Variants in ADRA1D observed in about 807,000 individuals in gnomAD.
ADRA1D encodes adrenoceptor alpha 1D, also known as alpha-1D adrenergic receptor.
Under a neutral mutation model 18.6 loss-of-function variants are expected in ADRA1D, and 22 were observed. The observed-to-expected ratio is 1.19, with a 90% confidence interval of 0.85 to 1.69. The LOEUF (loss-of-function observed/expected upper bound fraction) is 1.69, where lower values mean the gene tolerates loss of function less well. ADRA1D is among the 40% of genes most tolerant of loss of function. ADRA1D has a pLI of 0.00. For missense variants in ADRA1D, 840 were observed against 840.7 expected (o/e 1.00, Z 0.01); for synonymous variants, 376 against 388.2 (o/e 0.97, Z 0.37).
At chr20:4,246,937 A>G (rs914735838) in intron 1 of ADRA1D, among the ~76,000 whole-genome samples, 1 of 152,228 alleles carries the variant, frequency 6.6e-6, no homozygotes, top group Non-Finnish European at 1.5e-5. Context: ...TGGGAGAGGC[A>G]GAGAAGGCCC....
At chr20:4,234,830 G>C (rs565563281) in intron 1 of ADRA1D, among the ~76,000 whole-genome samples, 9 of 152,342 alleles carry the variant, frequency 5.9e-5, no homozygotes, top group African/African-American at 2.2e-4. Flanking sequence ...GAAAATTCCA[G>C]GCAGAGGGAA....
chr20:4,228,736 ATCT>A (rs1222846834), intron 1 of ADRA1D, among the ~76,000 whole-genome samples: 2 of 152,300 alleles, frequency 1.3e-5, no homozygotes, highest in African/African-American at 4.8e-5. Context: ...TGCACCTCTC[ATCT>A]TCTTTGGTAA....
chr20:4,248,607 G>A lies in ADRA1D; in HGVS notation c.351C>T (p.Val117=). The A allele has an allele frequency of 6.2e-7, 1 of 1,613,286 alleles. No homozygotes were observed. Among genetic ancestry groups the A allele is most frequent in the Non-Finnish European group, 8.5e-7 (1 of 1,179,902 alleles). The stretch of plus-strand genomic sequence containing the variant: ...GGCGGTTGCAGGCCACTGAGAGGAT[G>A]ACAAGCAGGTTACCTGCCACGGCCA... ...ILMAVAGNLL[V]ILSVACNRHL... is the part of the protein sequence containing the mutation. The change falls in exon 1 of 2, where the codon GTC becomes GTT. Residue 117 remains valine (V), a synonymous_variant. Transcript: ENST00000379453.
chr20:4,228,158 C>A (rs1409998582), intron 1 of ADRA1D, among the ~76,000 whole-genome samples: 3 of 152,270 alleles, frequency 2.0e-5, no homozygotes, highest in East Asian at 3.9e-4. Flanking sequence ...TACTCACCAG[C>A]ACCTTAACTG....
chr20:4,229,144 A>C (rs1367940629), intron 1 of ADRA1D, among the ~76,000 whole-genome samples: 1 of 152,090 alleles, frequency 6.6e-6, no homozygotes, highest in Non-Finnish European at 1.5e-5. Context: ...TTAGTCTTGC[A>C]GTTTCCTGTC....
At chr20:4,243,806 C>A (rs1410822356) in intron 1 of ADRA1D, among the ~76,000 whole-genome samples, 1 of 152,202 alleles carries the variant, frequency 6.6e-6, no homozygotes, top group African/African-American at 2.4e-5. Context: ...AGCATCGGGG[C>A]ACTTGCGGTC....
In ADRA1D at chr20:4,220,982, C is replaced by G. The variant is rs572237093; in HGVS notation, c.*541G>C. 1 of 152,840 alleles carries G rather than the reference C, an allele frequency of 6.5e-6. No individual in the cohort carries two copies. Among genetic ancestry groups the G allele is most frequent in the Admixed American group, 6.5e-5 (1 of 15,334 alleles). 9.5% of individuals were successfully genotyped at this position (152,840 alleles called of 1,614,324 possible). ...CGGGCCCATGGATAAATACAGCAGG[C>G]TTGTATGACGGCTATACAATCTGCC... On this transcript the variant is annotated 3_prime_UTR_variant, in exon 2 of 2. Coordinates refer to ENST00000379453, the MANE Select transcript of ADRA1D (RefSeq NM_000678.4).
In ADRA1D at chr20:4,248,751, C is replaced by G. The variant is rs548000258; in HGVS notation, c.207G>C (p.Ala69=). 1 of 1,510,214 alleles carries G rather than the reference C, an allele frequency of 6.6e-7. No individual in the cohort carries two copies. Among genetic ancestry groups the G allele is most frequent in the South Asian group, 1.3e-5 (1 of 78,272 alleles). The allele number at this position is 1,510,214 out of a possible 1,614,324, so 93.6% of individuals were successfully genotyped here. ...CCGCGCCCGCGCTCCCCGGCTCCCC[C>G]GCGGAGCTCCGGTTGTCCTCGCCGC... ...AGSGEDNRSS[A]GEPGSAGAGG... The change falls in exon 1 of 2, where the codon GCG becomes GCC. Residue 69 remains alanine, a synonymous_variant. Transcript: ENST00000379453.
chr20:4,230,034 C>A (rs1198813503), intron 1 of ADRA1D, among the ~76,000 whole-genome samples: 5 of 152,200 alleles, frequency 3.3e-5, no homozygotes, highest in Non-Finnish European at 7.3e-5. Flanking sequence ...GCACACCCAC[C>A]TTGGCCCTTT....
chr20:4,227,710 C>CCTTG (rs1980845684), intron 1 of ADRA1D, among the ~76,000 whole-genome samples: 3 of 57,588 alleles, frequency 5.2e-5, no homozygotes, highest in African/African-American at 1.5e-4. Context: ...CTCCCTCCTT[C>CCTTG]CTTCCTTCCT....
Position 4,248,374 on chromosome 20 carries a change from T to G in ADRA1D, c.584A>C (p.Tyr195Ser), listed in dbSNP as rs1248606817. ...CTTGAGTGAGTGGCGCACGCCCACG[T>G]ACCGGTCCACGGAGATGGTGCAGAG... ...LSLCTISVDR[Y>S]VGVRHSLKYP... The change falls in exon 1 of 2, where the codon TAC (tyrosine) becomes TCC (serine). Residue 195 changes from tyrosine to serine, a missense_variant. Coordinates refer to ENST00000379453, the MANE Select transcript of ADRA1D (RefSeq NM_000678.4). 1.2e-6 allele frequency: 2 copies of G among 1,608,776 alleles called. No individual in the cohort carries two copies. The highest frequency in any genetic ancestry group is 1.7e-6 in the Non-Finnish European group (2 of 1,177,770).
intron 1 of ADRA1D, among the ~76,000 whole-genome samples, chr20:4,233,946 G>T (rs756345027): frequency 9.9e-5 from 15 of 152,206 alleles, no homozygotes; most frequent in Non-Finnish European, 1.9e-4. Flanking sequence ...AGCTGGCTGG[G>T]CTGCTCCAGC....
In ADRA1D at chr20:4,222,949, TTTAA is replaced by T. The variant is rs1047768955; in HGVS notation, c.1112-823_1112-820del. ...TTAATTTTTTAAAAGCTTTTTTTTC[TTTAA>T]TTGATAATATGATTCAAACGAACAT... On this transcript the variant is annotated intron_variant, in intron 1 of 1. Coordinates refer to ENST00000379453, the MANE Select transcript of ADRA1D (RefSeq NM_000678.4). The surrounding 1 kb of genome is among the most constrained non-coding windows in gnomAD (Gnocchi z 4.3). Among the ~76,000 whole-genome samples, 2 of 152,234 alleles carry T rather than the reference TTTAA, an allele frequency of 1.3e-5. No individual in the cohort carries two copies. Among genetic ancestry groups the T allele is most frequent in the Non-Finnish European group, 2.9e-5 (2 of 68,044 alleles).
At chr20:4,224,649 C>T (rs972220850) in intron 1 of ADRA1D, among the ~76,000 whole-genome samples, 8 of 141,942 alleles carry the variant, frequency 5.6e-5, no homozygotes, top group Non-Finnish European at 1.0e-4. Context: ...TGAGACCAAG[C>T]GGGCCAGGGG....
intron 1 of ADRA1D, among the ~76,000 whole-genome samples, chr20:4,237,814 C>T (rs1005871946): frequency 7.2e-6 from 1 of 138,612 alleles, no homozygotes; most frequent in African/African-American, 2.7e-5. Context: ...CAGGCACATG[C>T]CACCATTCCT....
chr20:4,226,203 T>C (rs896080144), intron 1 of ADRA1D, among the ~76,000 whole-genome samples: 2 of 152,242 alleles, frequency 1.3e-5, no homozygotes, highest in African/African-American at 4.8e-5. Flanking sequence ...AATATGGTAA[T>C]TTATGCTCAA....
Position 4,222,689 on chromosome 20 carries a change from G to A in ADRA1D, c.1112-559C>T, listed in dbSNP as rs1181319044. On this transcript the variant is annotated intron_variant, in intron 1 of 1. Coordinates refer to ENST00000379453, the MANE Select transcript of ADRA1D (RefSeq NM_000678.4). The surrounding 1 kb of genome is among the most constrained non-coding windows in gnomAD (Gnocchi z 4.3). ...CAGAAGATAACGTCTGACCAGGCTA[G>A]TAATTATGCTGCTATGAACAGATAT... 1.3e-5 allele frequency among the ~76,000 whole-genome samples: 2 copies of A among 152,170 alleles called. No individual in the cohort carries two copies. Among genetic ancestry groups the A allele is most frequent in the African/African-American group, 2.4e-5 (1 of 41,448 alleles).
At chr20:4,241,630 G>A (rs1247312582) in intron 1 of ADRA1D, among the ~76,000 whole-genome samples, 1 of 152,120 alleles carries the variant, frequency 6.6e-6, no homozygotes, top group Non-Finnish European at 1.5e-5. Context: ...CCTTTCTTCA[G>A]GCTTTTGGGC....
At chr20:4,226,683 C>G (rs995568512) in intron 1 of ADRA1D, among the ~76,000 whole-genome samples, 23 of 152,226 alleles carry the variant, frequency 1.5e-4, no homozygotes, top group African/African-American at 4.8e-4. Flanking sequence ...GGCAAGTGCT[C>G]TAACAGAATT....
Sources: allele counts gnomAD v4.1 joint callset (sites outside exome capture counted in the v4.1 genomes callset), GRCh38; gene constraint gnomAD v4.1.1; non-coding constraint Gnocchi (gnomAD v3.1); transcripts MANE v1.5; gene names NCBI Gene and HGNC (gene_info 2026-07-23, HGNC 2026-07-21).